The following PDE3B variants were observed in gnomAD, a reference collection of about 807,000 sequenced individuals.
The protein encoded by PDE3B is cGMP-inhibited 3',5'-cyclic phosphodiesterase 3B.
PDE3B carries 66 observed loss-of-function variants against 116.8 expected under a neutral mutation model. The ratio of observed to expected loss-of-function variants is 0.56; its 90% CI spans 0.46 to 0.69. The LOEUF (loss-of-function observed/expected upper bound fraction) is 0.69. Among genes scored for constraint, PDE3B ranks in the 30% least tolerant of loss-of-function variants. The pLI is 0.00. For missense variants in PDE3B, 1,384 were observed against 1,368.1 expected (o/e 1.01, Z -0.18); for synonymous variants, 595 against 533.6 (o/e 1.12, Z -1.59).
chr11:14,684,211 G>A (rs909623393), intron 1 of PDE3B, among the ~76,000 whole-genome samples: 16 of 152,162 alleles, frequency 1.1e-4, no homozygotes, highest in East Asian at 9.6e-4. Flanking sequence ...GTATTTCAAC[G>A]TAGGTTCTTT....
intron 1 of PDE3B, among the ~76,000 whole-genome samples, chr11:14,755,954 G>C (rs1857170665): frequency 6.6e-6 from 1 of 152,064 alleles, no homozygotes; most frequent in Non-Finnish European, 1.5e-5. Context: ...TCAACTATTA[G>C]TGTTGAAAAA....
intron 1 of PDE3B, among the ~76,000 whole-genome samples, chr11:14,693,728 G>T (rs1855117900): frequency 6.6e-6 from 1 of 152,168 alleles, no homozygotes; most frequent in African/African-American, 2.4e-5. Flanking sequence ...AGCTCTGATG[G>T]AGATGTACAA....
chr11:14,886,563 T>A, the PDE3B span: 3 of 153,242 alleles, frequency 2.0e-5, no homozygotes, highest in South Asian at 6.2e-4. Flanking sequence ...CAAAACAGGA[T>A]CCATTCCATG....
chr11:14,830,153 A>T (rs560886925), intron 7 of PDE3B, among the ~76,000 whole-genome samples: 1 of 152,314 alleles, frequency 6.6e-6, no homozygotes, highest in South Asian at 2.1e-4. Flanking sequence ...TTAAGATATT[A>T]CAAATAGAAT....
intron 12 of PDE3B, among the ~76,000 whole-genome samples, chr11:14,847,164 C>T (rs1480173866): frequency 6.6e-6 from 1 of 152,162 alleles, no homozygotes; most frequent in Non-Finnish European, 1.5e-5. Context: ...TGCAATCAAA[C>T]TGGAACTCAG....
At chr11:14,698,052 A>C (rs185709368) in intron 1 of PDE3B, among the ~76,000 whole-genome samples, 69 of 151,904 alleles carry the variant, frequency 4.5e-4, no homozygotes, top group African/African-American at 1.6e-3. Flanking sequence ...ATAGTGGACA[A>C]TCTTCTTTTC....
At chr11:14,725,261 T>G (rs918924878) in intron 1 of PDE3B, among the ~76,000 whole-genome samples, 10 of 146,372 alleles carry the variant, frequency 6.8e-5, no homozygotes, top group Admixed American at 6.0e-4. Context: ...CTTTCGTTCT[T>G]TCTTTCTCTT....
chr11:14,809,275 A>G (rs898283438), intron 5 of PDE3B, among the ~76,000 whole-genome samples: 2 of 152,198 alleles, frequency 1.3e-5, no homozygotes, highest in Admixed American at 6.5e-5. Context: ...CCACACAAAA[A>G]CTTGTGCATA....
Position 14,789,245 on chromosome 11 carries a change from A to G in PDE3B, c.1415+3A>G. ...CACCAAGAATTTGGCATTTCAAGGT[A>G]AAATCTGCAGAGCCTTTTAAGAAAC... On this transcript the variant is annotated splice_donor_region_variant and intron_variant, in intron 4 of 15. Coordinates refer to ENST00000282096, the MANE Select transcript of PDE3B (RefSeq NM_000922.4). 6.2e-7 allele frequency: 1 copy of G among 1,601,120 alleles called. No homozygotes were observed. The highest frequency in any genetic ancestry group is 8.5e-7 in the Non-Finnish European group (1 of 1,173,630).
intron 1 of PDE3B, among the ~76,000 whole-genome samples, chr11:14,712,867 T>A (rs1436384957): frequency 1.3e-5 from 2 of 152,228 alleles, no homozygotes; most frequent in African/African-American, 2.4e-5. Flanking sequence ...ATACAAATCC[T>A]CCTACTGATG....
chr11:14,803,368 A>G (rs1858828293), intron 4 of PDE3B, among the ~76,000 whole-genome samples: 1 of 152,196 alleles, frequency 6.6e-6, no homozygotes, highest in South Asian at 2.1e-4. Context: ...AAAAGTTGTC[A>G]ATACTTGTGA....
intron 1 of PDE3B, chr11:14,673,792 A>T: frequency 1.2e-6 from 1 of 820,860 alleles, no homozygotes; most frequent in Non-Finnish European, 2.2e-6. Flanking sequence ...TACACCTGGG[A>T]CATGGGTGCC....
At chr11:14,831,894 A>T (rs1859895911) in intron 9 of PDE3B, 117 bp downstream of exon 9, 2 of 616,360 alleles carry the variant, frequency 3.2e-6, no homozygotes, top group South Asian at 4.3e-5. Flanking sequence ...ATTGTTCATT[A>T]TTTTTTTCAG....
rs536414991 is a variant in PDE3B, at chr11:14,710,840, T to A, written c.979-61097T>A. On this transcript the variant is annotated intron_variant, in intron 1 of 15. Transcript: ENST00000282096. ...TTTGTGAACTAGTAAATGCTTTTTT[T>A]AAAAAAATGTGGTTTAAGTTGGATT... Among the ~76,000 whole-genome samples the A allele has an allele frequency of 4.7e-4, 72 of 152,270 alleles. No homozygotes were observed. In the South Asian group the frequency reaches 0.01, roughly 22 times the overall value.
chr11:14,665,687 G>A (rs1854116098), intron 1 of PDE3B, among the ~76,000 whole-genome samples: 1 of 151,852 alleles, frequency 6.6e-6, no homozygotes, highest in Non-Finnish European at 1.5e-5. Flanking sequence ...TTCACAATTT[G>A]ATTCCTGGAA....
intron 1 of PDE3B, among the ~76,000 whole-genome samples, chr11:14,677,132 T>C (rs1165100493): frequency 1.3e-5 from 2 of 152,036 alleles, no homozygotes; most frequent in African/African-American, 2.4e-5. Context: ...TAGTTTTTAA[T>C]TTTTTTTCTG....
chr11:14,705,671 A>G (rs572603967), intron 1 of PDE3B, among the ~76,000 whole-genome samples: 3 of 151,978 alleles, frequency 2.0e-5, no homozygotes, highest in African/African-American at 4.8e-5. Context: ...AGGAACACTA[A>G]GTTGGACAAT....
chr11:14,676,121 A>G (rs952212493), intron 1 of PDE3B, among the ~76,000 whole-genome samples: 1 of 152,092 alleles, frequency 6.6e-6, no homozygotes, highest in Non-Finnish European at 1.5e-5. Context: ...TTGACCATTT[A>G]TGTATCTTCT....
chr11:14,755,129 TAA>T (rs1169202058), intron 1 of PDE3B, among the ~76,000 whole-genome samples: 1 of 152,192 alleles, frequency 6.6e-6, no homozygotes, highest in Non-Finnish European at 1.5e-5. Flanking sequence ...CATGTTATAG[TAA>T]AAGTCATTTT....
Sources: allele counts gnomAD v4.1 joint callset (sites outside exome capture counted in the v4.1 genomes callset), GRCh38; gene constraint gnomAD v4.1.1; transcripts MANE v1.5; gene names NCBI Gene and HGNC (gene_info 2026-07-23, HGNC 2026-07-21).